MACROD2: variants seen among roughly 807,000 people sequenced by gnomAD.
MACROD2 encodes the protein mono-ADP ribosylhydrolase 2, also known as ADP-ribose glycohydrolase MACROD2.
In MACROD2, 36 loss-of-function variants were observed where a neutral mutation model predicts 70.4. The ratio of observed to expected loss-of-function variants is 0.51; its 90% CI spans 0.39 to 0.68. MACROD2 has a LOEUF of 0.68. MACROD2 is among the 30% of genes least tolerant of loss of function. MACROD2 has a pLI of 0.00. For missense variants in MACROD2, 496 were observed against 538.4 expected, an observed-to-expected ratio of 0.92 and a Z score of 0.78; for synonymous variants, 172 against 178.8, an observed-to-expected ratio of 0.96 and a Z score of 0.30.
At chr20:15,772,941 GCACAT>G (rs1271887600) in intron 8 of MACROD2, among the ~76,000 whole-genome samples, 3 of 152,046 alleles carry the variant, frequency 2.0e-5, no homozygotes, top group Non-Finnish European at 4.4e-5. Flanking sequence ...GACGAGGAGA[GCACAT>G]CACCTCCCTC....
At chr20:15,724,650 A>AT in intron 8 of MACROD2, among the ~76,000 whole-genome samples, 1 of 152,058 alleles carries the variant, frequency 6.6e-6, no homozygotes, top group East Asian at 1.9e-4. Context: ...CTATTTGTAT[A>AT]TTTTTTCACC....
chr20:14,973,963 A>G (rs1360025248), intron 5 of MACROD2, among the ~76,000 whole-genome samples: 1 of 152,186 alleles, frequency 6.6e-6, no homozygotes, highest in African/African-American at 2.4e-5. Context: ...TGGCTACTGG[A>G]AAATTATGGA....
chr20:14,584,156 T>G (rs995634026), intron 4 of MACROD2, among the ~76,000 whole-genome samples: 20 of 152,202 alleles, frequency 1.3e-4, no homozygotes, highest in African/African-American at 4.8e-4. Context: ...GAAACTCAAG[T>G]GGGTCCAAAT....
intron 5 of MACROD2, among the ~76,000 whole-genome samples, chr20:15,143,965 A>C (rs1337658548): frequency 2.3e-5 from 3 of 129,306 alleles, no homozygotes; most frequent in African/African-American, 9.2e-5. Flanking sequence ...AAAATCGCAA[A>C]AAAAAAAAAA....
chr20:14,864,963 A>G (rs1210971134), intron 5 of MACROD2, among the ~76,000 whole-genome samples: 2 of 152,086 alleles, frequency 1.3e-5, no homozygotes, highest in African/African-American at 4.8e-5. Context: ...GTCACATAAT[A>G]TAGGAGCTTC....
At chr20:15,042,806 G>C (rs1205560620) in intron 5 of MACROD2, among the ~76,000 whole-genome samples, 1 of 152,184 alleles carries the variant, frequency 6.6e-6, no homozygotes, top group African/African-American at 2.4e-5. Flanking sequence ...AAGAAGCCTA[G>C]ATTGTATCTT....
intron 5 of MACROD2, among the ~76,000 whole-genome samples, chr20:14,711,420 G>A (rs1421520236): frequency 6.6e-6 from 1 of 152,110 alleles, no homozygotes; most frequent in Non-Finnish European, 1.5e-5. Flanking sequence ...TTTTCCGAAG[G>A]CAAGGTGTAG....
chr20:15,213,241 G>T (rs141142592), intron 5 of MACROD2, among the ~76,000 whole-genome samples: 159 of 152,290 alleles, frequency 1.0e-3, no homozygotes, highest in African/African-American at 3.7e-3. Context: ...TTATTCTGGT[G>T]CAGGGAGGTT....
At chr20:15,574,997 T>TA in intron 8 of MACROD2, among the ~76,000 whole-genome samples, 1 of 152,312 alleles carries the variant, frequency 6.6e-6, no homozygotes, top group Middle Eastern at 3.4e-3. Flanking sequence ...TATATGTACG[T>TA]ACCTATATCA....
intron 4 of MACROD2, among the ~76,000 whole-genome samples, chr20:14,526,116 C>T (rs1043452110): frequency 4.6e-5 from 7 of 152,112 alleles, no homozygotes; most frequent in East Asian, 1.9e-4. Flanking sequence ...ACAAGGAGAG[C>T]GCAGTGCAAG....
At chr20:14,019,373 G>A (rs1352310510) in intron 2 of MACROD2, among the ~76,000 whole-genome samples, 1 of 152,178 alleles carries the variant, frequency 6.6e-6, no homozygotes, top group Non-Finnish European at 1.5e-5. Flanking sequence ...CTGGGTTCAA[G>A]CGTTTCTCCT....
At chr20:15,052,791 G>A (rs1479989207) in intron 5 of MACROD2, among the ~76,000 whole-genome samples, 2 of 152,208 alleles carry the variant, frequency 1.3e-5, no homozygotes, top group South Asian at 4.1e-4. Flanking sequence ...GGCTTAGTGC[G>A]GAAGGCATGT....
intron 3 of MACROD2, among the ~76,000 whole-genome samples, chr20:14,398,479 A>G (rs1286457581): frequency 1.3e-5 from 2 of 150,936 alleles, no homozygotes; most frequent in African/African-American, 4.9e-5. Flanking sequence ...TGTAGTTTTA[A>G]TTTGCATTTC....
At chr20:14,230,682 T>A (rs1255654923) in intron 3 of MACROD2, among the ~76,000 whole-genome samples, 1 of 115,108 alleles carries the variant, frequency 8.7e-6, no homozygotes, top group African/African-American at 3.9e-5. Flanking sequence ...TATATATATA[T>A]ATATATATAT....
intron 10 of MACROD2, among the ~76,000 whole-genome samples, chr20:15,902,236 T>C (rs2065074542): frequency 6.6e-6 from 1 of 152,168 alleles, no homozygotes; most frequent in African/African-American, 2.4e-5. Flanking sequence ...CTTTTGTTAA[T>C]GCCTACCATT....
chr20:15,830,591 A>G (rs1313242000), intron 8 of MACROD2, among the ~76,000 whole-genome samples: 2 of 152,220 alleles, frequency 1.3e-5, no homozygotes, highest in Admixed American at 6.5e-5. Context: ...GAAGACTCCC[A>G]AAGGGGAGTA....
At chr20:15,880,556 G>GACAAC (rs1477896803) in intron 9 of MACROD2, among the ~76,000 whole-genome samples, 1 of 151,890 alleles carries the variant, frequency 6.6e-6, no homozygotes, top group Non-Finnish European at 1.5e-5. Context: ...GTTACCACTG[G>GACAAC]ACAACTGGGG....
chr20:14,293,315 T>C (rs1387439091), intron 3 of MACROD2, among the ~76,000 whole-genome samples: 1 of 151,708 alleles, frequency 6.6e-6, no homozygotes, highest in Admixed American at 6.6e-5. Context: ...AATAAATATG[T>C]AATAACAATT....
intron 5 of MACROD2, among the ~76,000 whole-genome samples, chr20:14,910,039 C>G (rs1438688013): frequency 6.6e-6 from 1 of 152,174 alleles, no homozygotes; most frequent in Non-Finnish European, 1.5e-5. Flanking sequence ...TTAGCCTCAT[C>G]AAAGTCTCAC....
Sources: allele counts gnomAD v4.1 joint callset (sites outside exome capture counted in the v4.1 genomes callset), GRCh38; gene constraint gnomAD v4.1.1; transcripts MANE v1.5; gene names NCBI Gene and HGNC (gene_info 2026-07-23, HGNC 2026-07-21).